The following ENPEP variants were observed in gnomAD, a reference collection of about 807,000 sequenced individuals.
The protein encoded by ENPEP is AP-A.
A neutral mutation model predicts 114.5 loss-of-function variants in ENPEP; 103 were observed. The observed-to-expected ratio is 0.90, with a 90% CI of 0.77 to 1.06. The LOEUF (loss-of-function observed/expected upper bound fraction) is 1.06. Among genes scored for constraint, ENPEP ranks in the 50% least tolerant of loss-of-function variants. ENPEP has a pLI of 0.00. For missense variants in ENPEP, 1,196 were observed against 1,161.3 expected (o/e 1.03, Z -0.43); for synonymous variants, 420 against 422.0 (o/e 1.00, Z 0.06).
chr4:110,530,679 G>A (rs539262319), intron 10 of ENPEP, among the ~76,000 whole-genome samples: 1 of 152,286 alleles, frequency 6.6e-6, no homozygotes, highest in Admixed American at 6.5e-5. Flanking sequence ...GTTCTAAATA[G>A]GGGATATTTA....
chr4:110,546,516 C>T (rs901209848), intron 13 of ENPEP, among the ~76,000 whole-genome samples: 28 of 151,882 alleles, frequency 1.8e-4, no homozygotes, highest in African/African-American at 6.8e-4. Context: ...GCAAAGAGAA[C>T]AGCTGAAAGG....
At chr4:110,524,098 AAG>A (rs1452002693) in intron 10 of ENPEP, among the ~76,000 whole-genome samples, 5 of 152,142 alleles carry the variant, frequency 3.3e-5, no homozygotes, top group Admixed American at 1.3e-4. Context: ...TTTATATTAA[AAG>A]AGAAATGGAA....
chr4:110,493,917 G>A (rs1488544762), intron 3 of ENPEP, among the ~76,000 whole-genome samples: 1 of 152,140 alleles, frequency 6.6e-6, no homozygotes, highest in Non-Finnish European at 1.5e-5. Context: ...GGTATATGAG[G>A]AAAACAAGTA....
Position 110,476,661 on chromosome 4 carries a change from G to A in ENPEP, c.247G>A (p.Asp83Asn). The A allele has an allele frequency of 1.2e-6, 2 of 1,613,976 alleles. No individual in the cohort carries two copies. The highest frequency in any genetic ancestry group is 1.7e-6 in the Non-Finnish European group (2 of 1,180,046). ...QDQDICPASE[D>N]ESGQWKNFRL... ...CCAGGACATCTGCCCGGCCAGTGAG[G>A]ATGAGAGCGGACAGTGGAAAAACTT... is the stretch of plus-strand genomic sequence containing the variant. Residue 83 changes from aspartate (D) to asparagine (N), a missense_variant, in exon 1 of 20, where the codon GAT (aspartate) becomes AAT (asparagine). Coordinates refer to ENST00000265162, the MANE Select transcript of ENPEP (RefSeq NM_001977.4).
chr4:110,501,547 C>T (rs7674154), intron 3 of ENPEP, among the ~76,000 whole-genome samples: 2 of 152,152 alleles, frequency 1.3e-5, no homozygotes, highest in African/African-American at 2.4e-5. Flanking sequence ...TGGTTCTCTG[C>T]TGCTATGCTA....
intron 10 of ENPEP, among the ~76,000 whole-genome samples, chr4:110,524,279 G>T (rs183607003): frequency 6.6e-6 from 1 of 152,204 alleles, no homozygotes; most frequent in East Asian, 1.9e-4. Flanking sequence ...CTGTGGGAAG[G>T]GTGAGTAAGG....
chr4:110,538,784 T>G (rs928661598), intron 11 of ENPEP, among the ~76,000 whole-genome samples: 1 of 152,122 alleles, frequency 6.6e-6, no homozygotes, highest in Non-Finnish European at 1.5e-5. Flanking sequence ...TCTGAACACT[T>G]GAGGCCATTG....
intron 13 of ENPEP, among the ~76,000 whole-genome samples, chr4:110,547,451 G>C (rs184145728): frequency 6.6e-6 from 1 of 152,036 alleles, no homozygotes; most frequent in Non-Finnish European, 1.5e-5. Context: ...CAGAAATAGA[G>C]GTTCTTGTAC....
rs1727725712 is a variant in ENPEP at position 110,562,962 on chromosome 4, T to C, written c.*1404T>C. On this transcript the variant is annotated 3_prime_UTR_variant, in exon 20 of 20. Transcript: ENST00000265162. The stretch of plus-strand genomic sequence containing the variant: ...TACTCTGAAACTTTATAAACTTTCC[T>C]GTTGCTGTTTCTTAATTATCACTTC... 6.6e-6 allele frequency: 1 copy of C among 152,192 alleles called. No individual in the cohort carries two copies. Among genetic ancestry groups the C allele is most frequent in the African/African-American group, 2.4e-5 (1 of 41,468 alleles). The allele number at this position is 152,192 out of a possible 1,614,324, so 9.4% of individuals were successfully genotyped here.
chr4:110,509,947 T>C, intron 5 of ENPEP, 140 bp downstream of exon 5: 1 of 1,207,804 alleles, frequency 8.3e-7, no homozygotes, highest in Non-Finnish European at 1.1e-6. Flanking sequence ...TTGGTACTAA[T>C]AAACATTTAG....
chr4:110,479,364 C>T (rs749369667), intron 1 of ENPEP, among the ~76,000 whole-genome samples: 18 of 151,968 alleles, frequency 1.2e-4, no homozygotes, highest in Admixed American at 7.9e-4. Context: ...TAGAAGAAGG[C>T]GCATCCTTAT....
rs1727529398 is a variant in ENPEP at position 110,557,772 on chromosome 4, A to G, written c.2643-1875A>G. The stretch of plus-strand genomic sequence containing the variant: ...GATGACATTAGGGATGAAAAAACAT[A>G]TTGGCTTTAAATTCAGTGGCGTCTG... On this transcript the variant is annotated intron_variant, in intron 18 of 19. Coordinates refer to ENST00000265162, the MANE Select transcript of ENPEP (RefSeq NM_001977.4). Among the ~76,000 whole-genome samples the G allele has an allele frequency of 2.6e-5, 4 of 152,278 alleles. No individual in the cohort carries two copies. The South Asian group carries it at 8.3e-4, about 32-fold the overall frequency.
At chr4:110,530,523 C>A (rs1296189113) in intron 10 of ENPEP, among the ~76,000 whole-genome samples, 1 of 152,128 alleles carries the variant, frequency 6.6e-6, no homozygotes, top group Non-Finnish European at 1.5e-5. Flanking sequence ...GATTTCAAGA[C>A]AAAACTGTTA....
At chr4:110,520,914 C>T (rs984810666) in intron 10 of ENPEP, among the ~76,000 whole-genome samples, 4 of 152,178 alleles carry the variant, frequency 2.6e-5, no homozygotes, top group African/African-American at 7.2e-5. Context: ...TCTTTCTCTG[C>T]ACACAGCTCT....
At chr4:110,554,192 C>G (rs913238375) in intron 18 of ENPEP, among the ~76,000 whole-genome samples, 8 of 151,934 alleles carry the variant, frequency 5.3e-5, no homozygotes, top group African/African-American at 1.7e-4. Flanking sequence ...ATGAAAAGAC[C>G]TTTACCATCT....
chr4:110,491,672 T>C (rs1724727632), intron 3 of ENPEP, among the ~76,000 whole-genome samples: 1 of 152,010 alleles, frequency 6.6e-6, no homozygotes, highest in South Asian at 2.1e-4. Flanking sequence ...TAAATAAGCT[T>C]TTTTTAAAAA....
At position 110,556,205 on chromosome 4, in the gene ENPEP, GGTAT is replaced by G. The variant is rs1473804585; in HGVS notation, c.2642+2753_2642+2756del. ...ATTCCTGTTTTCTTATTGTGAAACT[GGTAT>G]GTGTTTTTTGCACAAAATGCATACA... On this transcript the variant is annotated intron_variant, in intron 18 of 19. Transcript: ENST00000265162. Among the ~76,000 whole-genome samples, 5 of 151,768 alleles carry G rather than the reference GGTAT, an allele frequency of 3.3e-5. No individual in the cohort carries two copies. In the East Asian group the frequency reaches 9.7e-4, roughly 29 times the overall value.
intron 17 of ENPEP, among the ~76,000 whole-genome samples, chr4:110,550,370 T>A (rs1242573914): frequency 6.6e-6 from 1 of 152,068 alleles, no homozygotes; most frequent in Non-Finnish European, 1.5e-5. Context: ...CTGGGTCTGC[T>A]ACTTGATCCT....
At chr4:110,493,534 C>G (rs879578500) in intron 3 of ENPEP, among the ~76,000 whole-genome samples, 2 of 152,136 alleles carry the variant, frequency 1.3e-5, no homozygotes, top group Non-Finnish European at 1.5e-5. Context: ...CTTCCTCCAA[C>G]CCTTCCATAG....
Sources: allele counts gnomAD v4.1 joint callset (sites outside exome capture counted in the v4.1 genomes callset), GRCh38; gene constraint gnomAD v4.1.1; transcripts MANE v1.5; gene names NCBI Gene and HGNC (gene_info 2026-07-23, HGNC 2026-07-21).